Variants in GLYCTK observed in about 807,000 individuals in gnomAD.
The protein encoded by GLYCTK is glycerate kinase.
Under a neutral mutation model 24.8 loss-of-function variants are expected in GLYCTK, and 22 were observed. The ratio of observed to expected loss-of-function variants is 0.89; its 90% CI spans 0.63 to 1.27. GLYCTK has a LOEUF of 1.27. GLYCTK is among the 50% of genes most tolerant of loss of function. GLYCTK has a pLI of 0.00. For synonymous variants in GLYCTK, 320 were observed against 297.2 expected, an observed-to-expected ratio of 1.08 and a Z score of -0.79; for missense variants, 684 against 686.7, an observed-to-expected ratio of 1.00 and a Z score of 0.04.
intron 1 of GLYCTK, among the ~76,000 whole-genome samples, chr3:52,288,243 C>T (rs1367913087): frequency 6.6e-6 from 1 of 152,186 alleles, no homozygotes; most frequent in Non-Finnish European, 1.5e-5. Context: ...GTTAGAATCT[C>T]ACTCTGTCAC....
intron 1 of GLYCTK, among the ~76,000 whole-genome samples, chr3:52,289,754 C>G (rs1175073061): frequency 6.6e-6 from 1 of 152,220 alleles, no homozygotes. Context: ...TAGACCCTGA[C>G]TTCCCAGGCT....
In GLYCTK at chr3:52,292,287, G is replaced by T; in HGVS notation, c.733G>T (p.Val245Leu). 1 of 1,614,020 alleles carries T rather than the reference G, an allele frequency of 6.2e-7. No homozygotes were observed. Among genetic ancestry groups the T allele is most frequent in the Non-Finnish European group, 8.5e-7 (1 of 1,179,980 alleles). Reference sequence around the variant, plus strand: ...GGTGAGCCTCATCCTGTCAGATGTGGTGGGGGACCCTGTGGAGGTGATTGC... The same window carrying T: ...GGTGAGCCTCATCCTGTCAGATGTGTTGGGGGACCCTGTGGAGGTGATTGC... ...QVVSLILSDV[V>L]GDPVEVIASG... The change falls in exon 5 of 5, where the codon GTG (valine) becomes TTG (leucine). Residue 245 changes from valine to leucine, a missense_variant. By Grantham distance (32) the Val-to-Leu change is conservative (BLOSUM62 1). Coordinates refer to ENST00000436784, the MANE Select transcript of GLYCTK (RefSeq NM_145262.4).
intron 1 of GLYCTK, among the ~76,000 whole-genome samples, chr3:52,289,828 G>T (rs1400057096): frequency 1.3e-5 from 2 of 152,246 alleles, no homozygotes; most frequent in African/African-American, 4.8e-5. Context: ...CTCAGGGTCA[G>T]TTGGTGGGAC....
rs898891777 is a variant in GLYCTK, at chr3:52,295,095, G to C, written c.*1969G>C. On this transcript the variant is annotated 3_prime_UTR_variant, in exon 5 of 5. Coordinates refer to ENST00000436784, the MANE Select transcript of GLYCTK (RefSeq NM_145262.4). ...CGGATTGGACCCCATAGGGCCAAAT[G>C]GTCTGTGAGCCTAACCCGTTAGATT... The C allele has an allele frequency of 1.5e-5, 7 of 453,996 alleles. No individual in the cohort carries two copies. Among genetic ancestry groups the C allele is most frequent in the Non-Finnish European group, 3.1e-5 (7 of 226,808 alleles). The allele number at this position is 453,996 out of a possible 1,614,324, so 28.1% of individuals were successfully genotyped here. A position where few individuals can be genotyped will look rare whatever the true frequency, so the allele number is the denominator to read the frequency against.
Position 52,290,736 on chromosome 3 carries a change from G to A in GLYCTK, c.377+17G>A. The A allele has an allele frequency of 1.2e-6, 2 of 1,607,284 alleles. No individual in the cohort carries two copies. The highest frequency in any genetic ancestry group is 1.7e-6 in the Non-Finnish European group (2 of 1,175,746). On this transcript the variant is annotated intron_variant, in intron 2 of 4. Coordinates refer to ENST00000436784, the MANE Select transcript of GLYCTK (RefSeq NM_145262.4). Reference sequence around the variant, plus strand: ...CGGCAAGCAGTAAGGAGCCATGGGGGCCTGCCTCCCTCTATCTATCTGGAG... The same window carrying A: ...CGGCAAGCAGTAAGGAGCCATGGGGACCTGCCTCCCTCTATCTATCTGGAG...
Position 52,293,298 on chromosome 3 carries a change from C to T in GLYCTK, c.*172C>T. 1.3e-6 allele frequency: 1 copy of T among 744,054 alleles called. No homozygotes were observed. Among genetic ancestry groups the T allele is most frequent in the East Asian group, 2.7e-5 (1 of 37,398 alleles). The allele number at this position is 744,054 out of a possible 1,614,324, so 46.1% of individuals were successfully genotyped here. ...TCAGGGCCTCTGCTCTATATCTATT[C>T]CCTTCCAGCCAGACTGGCAGATGGG... On this transcript the variant is annotated 3_prime_UTR_variant, in exon 5 of 5. Transcript: ENST00000436784.
chr3:52,290,271 T>G, intron 1 of GLYCTK, 33 bp from the exon 2 acceptor site: 1 of 1,546,444 alleles, frequency 6.5e-7, no homozygotes, highest in South Asian at 1.2e-5. Context: ...TCTTTTGCCT[T>G]GCAAGGGCCT....
At chr3:52,290,044 T>C (rs111911849) in intron 1 of GLYCTK, 361 of 481,010 alleles carry the variant, frequency 7.5e-4, no homozygotes, top group Middle Eastern at 2.7e-3. Flanking sequence ...AATAGGAACT[T>C]TGGACTTGAG....
chr3:52,288,260 T>A (rs961149333), intron 1 of GLYCTK, among the ~76,000 whole-genome samples: 1 of 152,214 alleles, frequency 6.6e-6, no homozygotes, highest in East Asian at 1.9e-4. Flanking sequence ...TCACCCAGGC[T>A]GGAGTGCAGT....
At position 52,293,034 on chromosome 3, in the gene GLYCTK, T is replaced by A. The variant is rs766025190; in HGVS notation, c.1480T>A (p.Cys494Ser). ...LAHNDSHTFF[C>S]CLQGGAHLLH... The stretch of plus-strand genomic sequence containing the variant: ...CCACAATGACTCACATACCTTCTTC[T>A]GCTGCCTCCAGGGTGGGGCACACCT... The change falls in exon 5 of 5, where the codon TGC becomes AGC. Residue 494 changes from cysteine (C) to serine (S), a missense_variant. Cys to Ser is a moderately radical substitution (Grantham distance 112). Transcript: ENST00000436784. 1 of 1,614,164 alleles carries A rather than the reference T, an allele frequency of 6.2e-7. No homozygotes were observed. Among genetic ancestry groups the A allele is most frequent in the Admixed American group, 1.7e-5 (1 of 60,024 alleles).
intron 1 of GLYCTK, 24 bp from the exon 2 acceptor site, chr3:52,290,280 C>A (rs759508767): frequency 1.9e-6 from 3 of 1,566,824 alleles, no homozygotes; most frequent in Non-Finnish European, 2.6e-6. Context: ...TTGCAAGGGC[C>A]TCAGTTGTGC....
At chr3:52,292,209 C>G (rs1359854442) in intron 4 of GLYCTK, 51 bp from the exon 5 acceptor site, 1 of 1,611,172 alleles carries the variant, frequency 6.2e-7, no homozygotes, top group Non-Finnish European at 8.5e-7. Context: ...CTTATGGGCT[C>G]TGAGGGGAGG....
chr3:52,293,540 C>T lies in GLYCTK; in HGVS notation c.*414C>T, dbSNP rs777117651. 3.2e-5 allele frequency: 15 copies of T among 464,354 alleles called. No homozygotes were observed. Among genetic ancestry groups the T allele is most frequent in the East Asian group, 1.4e-4 (2 of 14,782 alleles). The allele number at this position is 464,354 out of a possible 1,614,324, so 28.8% of individuals were successfully genotyped here. A position where few individuals can be genotyped will look rare whatever the true frequency, so the allele number is the denominator to read the frequency against. ...GAGCCGCTGGGAGGGGAGCGTGGTA[C>T]GGCTGCAGCCACAGTACCAGGGCCT... is the stretch of plus-strand genomic sequence containing the variant. On this transcript the variant is annotated 3_prime_UTR_variant, in exon 5 of 5. Transcript: ENST00000436784.
At position 52,291,982 on chromosome 3, in the gene GLYCTK, A is replaced by G; in HGVS notation, c.705+60A>G. On this transcript the variant is annotated intron_variant, in intron 4 of 4. Coordinates refer to ENST00000436784, the MANE Select transcript of GLYCTK (RefSeq NM_145262.4). The stretch of plus-strand genomic sequence containing the variant: ...TGGTGGAGCCAGGCCCACATGTGCC[A>G]GGGATGTGAAAGCTAGAACAGCATA... 6 of 1,517,308 alleles carry G rather than the reference A, an allele frequency of 4.0e-6. No homozygotes were observed. In the South Asian group the frequency reaches 5.7e-5, roughly 14 times the overall value. The allele number at this position is 1,517,308 out of a possible 1,614,324, so 94.0% of individuals were successfully genotyped here.
rs139942189 is a variant in GLYCTK at position 52,292,848 on chromosome 3, G to A, written c.1294G>A (p.Ala432Thr). The change falls in exon 5 of 5, where the codon GCA (alanine) becomes ACA (threonine). Residue 432 changes from alanine to threonine, a missense_variant. By Grantham distance (58) the Ala-to-Thr change is moderately conservative. Transcript: ENST00000436784. ...CCAGGAACTGGCCCTGCGTGTTGGA[G>A]CAGAGTTGAGAAGGTGGCCGCTGGG... The part of the protein sequence containing the change: ...RNQELALRVG[A>T]ELRRWPLGPI... The A allele has an allele frequency of 2.8e-5, 45 of 1,613,896 alleles. 1 individual carries two copies. The African/African-American group carries it at 4.5e-4, about 16-fold the overall frequency.
Position 52,290,468 on chromosome 3 carries a change from T to G in GLYCTK, c.126T>G (p.Phe42Leu). 2.5e-6 allele frequency: 4 copies of G among 1,613,074 alleles called. No individual in the cohort carries two copies. The highest frequency in any genetic ancestry group is 3.4e-6 in the Non-Finnish European group (4 of 1,180,016). Reference sequence around the variant, plus strand: ...TGGCAGAGCAGGCCAGGCAGCTGTTTGAGAGTGCTGTAGGTGCAGTGCTGC... The same window carrying G: ...TGGCAGAGCAGGCCAGGCAGCTGTTGGAGAGTGCTGTAGGTGCAGTGCTGC... Reference protein sequence around the residue: ...MALAEQARQLFESAVGAVLPG... With the variant: ...MALAEQARQLLESAVGAVLPG... Residue 42 changes from phenylalanine to leucine, a missense_variant, in exon 2 of 5, where the codon TTT becomes TTG. Phe to Leu is a conservative substitution (Grantham distance 22). Coordinates refer to ENST00000436784, the MANE Select transcript of GLYCTK (RefSeq NM_145262.4).
Position 52,292,389 on chromosome 3 carries a change from G to T in GLYCTK, c.835G>T (p.Ala279Ser). The stretch of plus-strand genomic sequence containing the variant: ...CCTCAATCGCTACGGCCTCCGTGCA[G>T]CCCTGCCACGTTCTGTGAAGACTGT... ...HILNRYGLRA[A>S]LPRSVKTVLS... The change falls in exon 5 of 5, where the codon GCC (alanine) becomes TCC (serine). Residue 279 changes from alanine to serine, a missense_variant. Coordinates refer to ENST00000436784, the MANE Select transcript of GLYCTK (RefSeq NM_145262.4). 1 of 1,613,896 alleles carries T rather than the reference G, an allele frequency of 6.2e-7. No individual in the cohort carries two copies. Among genetic ancestry groups the T allele is most frequent in the South Asian group, 1.1e-5 (1 of 91,080 alleles).
In GLYCTK at chr3:52,292,372, G is replaced by A. The variant is rs751314882; in HGVS notation, c.818G>A (p.Arg273His). 11 of 1,613,842 alleles carry A rather than the reference G, an allele frequency of 6.8e-6. No homozygotes were observed. The East Asian group carries it at 1.1e-4, about 16-fold the overall frequency. ...CAAGATTGCCTGCATATCCTCAATCGCTACGGCCTCCGTGCAGCCCTGCCA... is the reference window on the plus strand; with the variant it reads ...CAAGATTGCCTGCATATCCTCAATCACTACGGCCTCCGTGCAGCCCTGCCA... Reference protein sequence around the residue: ...NVQDCLHILNRYGLRAALPRS... With the variant: ...NVQDCLHILNHYGLRAALPRS... Residue 273 changes from arginine (R) to histidine (H), a missense_variant, in exon 5 of 5, where the codon CGC (arginine) becomes CAC (histidine). Coordinates refer to ENST00000436784, the MANE Select transcript of GLYCTK (RefSeq NM_145262.4).
Position 52,295,255 on chromosome 3 carries a change from G to T in GLYCTK, c.*2129G>T, listed in dbSNP as rs989573470. 8 of 436,232 alleles carry T rather than the reference G, an allele frequency of 1.8e-5. No individual in the cohort carries two copies. Among genetic ancestry groups the T allele is most frequent in the Non-Finnish European group, 2.8e-5 (6 of 214,662 alleles). 27.0% of individuals were successfully genotyped at this position (436,232 alleles called of 1,614,324 possible). ...CCATAAATGTCAATTTTGGATCATT[G>T]AAGTGCCCGTCCCTTGCTCTTGGCT... is the stretch of plus-strand genomic sequence containing the variant. On this transcript the variant is annotated 3_prime_UTR_variant, in exon 5 of 5. Transcript: ENST00000436784.
Sources: allele counts gnomAD v4.1 joint callset (sites outside exome capture counted in the v4.1 genomes callset), GRCh38; gene constraint gnomAD v4.1.1; transcripts MANE v1.5; gene names NCBI Gene and HGNC (gene_info 2026-07-23, HGNC 2026-07-21).